ADH4: variants seen among roughly 807,000 people sequenced by gnomAD.
ADH4 encodes the protein all-trans-retinol dehydrogenase [NAD(+)] ADH4.
A neutral mutation model predicts 35.2 loss-of-function variants in ADH4; 31 were observed. The ratio of observed to expected loss-of-function variants is 0.88; its 90% confidence interval spans 0.66 to 1.19. The LOEUF (loss-of-function observed/expected upper bound fraction) is 1.19, where lower values mean the gene tolerates loss of function less well. ADH4 is among the 50% of genes most tolerant of loss of function. The pLI, the probability that ADH4 is intolerant of heterozygous loss-of-function variation, is 0.00. For missense variants in ADH4, 476 were observed against 458.3 expected (o/e 1.04, Z -0.35); for synonymous variants, 171 against 160.2 (o/e 1.07, Z -0.51).
intron 6 of ADH4, among the ~76,000 whole-genome samples, chr4:99,128,557 T>C (rs1316387039): frequency 6.6e-6 from 1 of 152,196 alleles, no homozygotes; most frequent in East Asian, 1.9e-4. Flanking sequence ...AATAAATGCT[T>C]ATAAGTGGAC....
At chr4:99,124,561 G>T in intron 8 of ADH4, 95 bp from the exon 9 acceptor site, 2 of 751,824 alleles carry the variant, frequency 2.7e-6, no homozygotes, top group Non-Finnish European at 4.3e-6. Context: ...TCAGGATCTG[G>T]TCTTCCTTTA....
At chr4:99,143,152 C>G (rs1003876295) in intron 1 of ADH4, 1 of 701,782 alleles carries the variant, frequency 1.4e-6, no homozygotes, top group Non-Finnish European at 2.6e-6. Context: ...TGTTTGAAAT[C>G]ACCTCTGAAT....
At chr4:99,126,472 A>G (rs1224151084) in intron 8 of ADH4, 122 bp downstream of exon 8, 4 of 966,756 alleles carry the variant, frequency 4.1e-6, no homozygotes, top group Non-Finnish European at 6.1e-6. Flanking sequence ...TTTTAAGCAC[A>G]TCTAGTACCT....
At chr4:99,141,723 A>G (rs1481190856) in intron 2 of ADH4, 41 bp from the exon 3 acceptor site, 12 of 1,591,026 alleles carry the variant, frequency 7.5e-6, no homozygotes, top group Non-Finnish European at 9.4e-6. Context: ...TTCTGCAACT[A>G]TATTATTGGG....
chr4:99,135,406 G>T (rs1200353019), intron 5 of ADH4, among the ~76,000 whole-genome samples: 2 of 152,150 alleles, frequency 1.3e-5, no homozygotes, highest in South Asian at 4.1e-4. Flanking sequence ...TTTAGCATGG[G>T]CAACAGAGTG....
intron 6 of ADH4, 124 bp downstream of exon 6, chr4:99,131,380 G>T: frequency 9.0e-7 from 1 of 1,114,742 alleles, no homozygotes; most frequent in Non-Finnish European, 1.3e-6. Context: ...GTGGCTTATA[G>T]TTCTACCACC....
intron 5 of ADH4, among the ~76,000 whole-genome samples, chr4:99,132,118 A>G (rs182188361): frequency 1.3e-5 from 2 of 152,258 alleles, no homozygotes; most frequent in Non-Finnish European, 2.9e-5. Flanking sequence ...TTTGACATCT[A>G]TATTTCGAAT....
At chr4:99,130,431 G>A (rs1430195951) in intron 6 of ADH4, among the ~76,000 whole-genome samples, 5 of 152,140 alleles carry the variant, frequency 3.3e-5, no homozygotes, top group African/African-American at 1.2e-4. Context: ...TCCTTGTGCT[G>A]GTAAGCTACA....
chr4:99,141,864 AT>A (rs1378377401), intron 2 of ADH4, among the ~76,000 whole-genome samples, 182 bp from the exon 3 acceptor site: 1 of 152,210 alleles, frequency 6.6e-6, no homozygotes, highest in African/African-American at 2.4e-5. Flanking sequence ...TTTTCCTCTT[AT>A]AATGCATCTT....
chr4:99,128,257 A>G (rs1729160021), intron 6 of ADH4, among the ~76,000 whole-genome samples: 1 of 152,186 alleles, frequency 6.6e-6, no homozygotes, highest in South Asian at 2.1e-4. Context: ...CAACATGGAG[A>G]AACCCCGTCT....
In ADH4 at chr4:99,131,683, C is replaced by G; in HGVS notation, c.664G>C (p.Ala222Pro). ...SAVMGCKAAG[A>P]SRIIGIDINS... The stretch of plus-strand genomic sequence containing the variant: ...ATGTCAATACCTATGATTCTGGAAG[C>G]TCCTGCTGCTTTACAACCCATTACA... The change falls in exon 6 of 9, where the codon GCT becomes CCT. Residue 222 changes from alanine to proline, a missense_variant. Coordinates refer to ENST00000265512, the MANE Select transcript of ADH4 (RefSeq NM_000670.5). 5.6e-6 allele frequency: 9 copies of G among 1,614,166 alleles called. No individual in the cohort carries two copies. Among genetic ancestry groups the G allele is most frequent in the African/African-American group, 1.3e-5 (1 of 75,048 alleles).
chr4:99,124,267 T>C lies in ADH4; in HGVS notation c.*175A>G. On this transcript the variant is annotated 3_prime_UTR_variant, in exon 9 of 9. Coordinates refer to ENST00000265512, the MANE Select transcript of ADH4 (RefSeq NM_000670.5). ...TTATTATTATTTAACATAGGGAATA[T>C]TCATATATATAACAGGTACAAAGTC... 1 of 543,606 alleles carries C rather than the reference T, an allele frequency of 1.8e-6. No homozygotes were observed. Among genetic ancestry groups the C allele is most frequent in the Non-Finnish European group, 3.2e-6 (1 of 307,800 alleles). The allele number at this position is 543,606 out of a possible 1,614,324, so 33.7% of individuals were successfully genotyped here.
At chr4:99,138,624 A>G (rs1729517702) in intron 4 of ADH4, among the ~76,000 whole-genome samples, 1 of 152,234 alleles carries the variant, frequency 6.6e-6, no homozygotes, top group African/African-American at 2.4e-5. Flanking sequence ...CTTTTACTAC[A>G]TATACAAATA....
chr4:99,124,604 T>C, intron 8 of ADH4, 138 bp from the exon 9 acceptor site: 1 of 571,964 alleles, frequency 1.7e-6, no homozygotes, highest in Non-Finnish European at 3.1e-6. Context: ...TAATTTCTTT[T>C]ATCCCGTCAT....
chr4:99,135,835 G>A (rs1263299367), intron 5 of ADH4, among the ~76,000 whole-genome samples: 1 of 152,200 alleles, frequency 6.6e-6, no homozygotes, highest in African/African-American at 2.4e-5. Flanking sequence ...AGATAAGCAG[G>A]TTGAGATGTC....
intron 3 of ADH4, 130 bp downstream of exon 3, chr4:99,141,411 G>A (rs759360642): frequency 9.4e-5 from 80 of 851,700 alleles, no homozygotes; most frequent in Non-Finnish European, 1.2e-4. Context: ...TGTGTCTCTC[G>A]TTTTACTTTG....
Position 99,136,618 on chromosome 4 carries a change from A to G in ADH4, c.430T>C (p.Tyr144His), listed in dbSNP as rs368546005. ...SRFTCKGKPV[Y>H]HFFGTSTFSQ... ...AATGTACTGGTTCCAAAGAAATGGT[A>G]AACTGGTTTTCCTTTGCAGGTAAAC... is the stretch of plus-strand genomic sequence containing the variant. Residue 144 changes from tyrosine (Y) to histidine (H), a missense_variant, in exon 5 of 9, where the codon TAC becomes CAC. Physicochemically the swap from Tyr to His is moderately conservative, Grantham distance 83. Transcript: ENST00000265512. 1.2e-6 allele frequency: 2 copies of G among 1,614,064 alleles called. No individual in the cohort carries two copies. Among genetic ancestry groups the G allele is most frequent in the African/African-American group, 2.7e-5 (2 of 74,940 alleles).
chr4:99,124,537 T>G, intron 8 of ADH4, 71 bp from the exon 9 acceptor site: 1 of 1,048,414 alleles, frequency 9.5e-7, no homozygotes, highest in Non-Finnish European at 1.4e-6. Context: ...ACAAATAAGT[T>G]TTGCCTTTTC....
chr4:99,129,865 G>A (rs1729219806), intron 6 of ADH4, among the ~76,000 whole-genome samples: 1 of 152,124 alleles, frequency 6.6e-6, no homozygotes, highest in Non-Finnish European at 1.5e-5. Context: ...TAAGAATTAT[G>A]TATTCCCCTG....
Sources: allele counts gnomAD v4.1 joint callset (sites outside exome capture counted in the v4.1 genomes callset), GRCh38; gene constraint gnomAD v4.1.1; transcripts MANE v1.5; gene names NCBI Gene and HGNC (gene_info 2026-07-23, HGNC 2026-07-21).